The following HIP1 variants were observed in gnomAD, a reference collection of about 807,000 sequenced individuals.
The protein encoded by HIP1 is huntingtin-interacting protein 1.
Under a neutral mutation model 147.6 loss-of-function variants are expected in HIP1, and 65 were observed. That is an observed-to-expected ratio of 0.44 (90% confidence interval 0.36 to 0.54). The LOEUF (loss-of-function observed/expected upper bound fraction) is 0.54. Ranked by LOEUF, HIP1 falls within the 20% of genes least tolerant of loss-of-function variation. HIP1 has a pLI of 0.00. For synonymous variants in HIP1, 479 were observed against 504.0 expected, an observed-to-expected ratio of 0.95 and a Z score of 0.67; for missense variants, 1,061 against 1,299.6, an observed-to-expected ratio of 0.82 and a Z score of 2.82.
In HIP1 at chr7:75,554,098, T is replaced by A. The variant is rs782626354; in HGVS notation, c.2158+15A>T. On this transcript the variant is annotated intron_variant, in intron 21 of 30. Transcript: ENST00000336926. ...CCCCTGGTCCATGAACAGCCCCTCA[T>A]GCCCCGGTACTCACAGTCGGCAGGC... The A allele has an allele frequency of 2.5e-6, 4 of 1,603,288 alleles. No homozygotes were observed. Among genetic ancestry groups the A allele is most frequent in the Non-Finnish European group, 1.7e-6 (2 of 1,170,684 alleles).
At chr7:75,623,832 C>G (rs782015937) in intron 1 of HIP1, among the ~76,000 whole-genome samples, 1 of 152,122 alleles carries the variant, frequency 6.6e-6, no homozygotes, top group East Asian at 1.9e-4. Flanking sequence ...TTTGGGAGGC[C>G]GAGGCGGGAG....
intron 1 of HIP1, among the ~76,000 whole-genome samples, chr7:75,724,779 A>ATAGCAACACTCTGAGTCTGGC (rs1801602787): frequency 6.6e-6 from 1 of 152,210 alleles, no homozygotes; most frequent in Admixed American, 6.5e-5. Flanking sequence ...GGCATGTGGA[A>ATAGCAACACTCTGAGTCTGGC]TAGCAACACT....
chr7:75,560,374 A>C (rs1795186085), intron 13 of HIP1, among the ~76,000 whole-genome samples: 1 of 151,996 alleles, frequency 6.6e-6, no homozygotes. Flanking sequence ...TCAGCCTCCC[A>C]AGTAGCTGGC....
At chr7:75,551,939 G>T (rs963210888) in intron 22 of HIP1, among the ~76,000 whole-genome samples, 8 of 151,480 alleles carry the variant, frequency 5.3e-5, no homozygotes, top group Middle Eastern at 3.5e-3. Context: ...GCCCAGGTTG[G>T]AGTGCAAAGG....
intron 12 of HIP1, 93 bp from the exon 13 acceptor site, chr7:75,561,494 T>C: frequency 1.2e-6 from 1 of 834,056 alleles, no homozygotes; most frequent in Non-Finnish European, 2.1e-6. Context: ...AAAGCTGGTA[T>C]TAATTTGGGG....
chr7:75,612,901 C>T (rs1797497544), intron 1 of HIP1, among the ~76,000 whole-genome samples: 1 of 152,050 alleles, frequency 6.6e-6, no homozygotes. Context: ...GCCAGGAGTT[C>T]AAGACAAGCC....
At chr7:75,598,255 G>C (rs2117001974) in intron 2 of HIP1, among the ~76,000 whole-genome samples, 1 of 152,078 alleles carries the variant, frequency 6.6e-6, no homozygotes, top group East Asian at 1.9e-4. Context: ...AAATTAGCCG[G>C]GTGTGGTGGC....
rs150125282 is a variant in HIP1 at position 75,699,576 on chromosome 7, G to A, written c.120+39225C>T. ...TTCCAAGTTTTAAAGAACACGGCAC[G>A]GGCCAAACAAAATGGGCCCGCAAAA... is the stretch of plus-strand genomic sequence containing the variant. On this transcript the variant is annotated intron_variant, in intron 1 of 30. Coordinates refer to ENST00000336926, the MANE Select transcript of HIP1 (RefSeq NM_005338.7). Among the ~76,000 whole-genome samples the A allele has an allele frequency of 6.2e-3, 943 of 152,268 alleles. 15 individuals carry two copies. The highest frequency in any genetic ancestry group is 0.021 in the African/African-American group (876 of 41,562).
At chr7:75,725,574 T>C (rs560380013) in intron 1 of HIP1, among the ~76,000 whole-genome samples, 3 of 152,286 alleles carry the variant, frequency 2.0e-5, no homozygotes, top group Admixed American at 6.5e-5. Flanking sequence ...AGCAAGCAAA[T>C]TGAAGTATAC....
intron 1 of HIP1, among the ~76,000 whole-genome samples, chr7:75,713,224 C>T (rs1584971497): frequency 6.6e-6 from 1 of 152,198 alleles, no homozygotes; most frequent in Admixed American, 6.5e-5. Context: ...AAACAGCCAC[C>T]AGCCCTGGCT....
At chr7:75,567,964 G>A (rs587664761) in intron 9 of HIP1, among the ~76,000 whole-genome samples, 40 of 152,134 alleles carry the variant, frequency 2.6e-4, no homozygotes, top group African/African-American at 8.9e-4. Flanking sequence ...GCATACCACC[G>A]TGCCCAGCTA....
chr7:75,705,635 G>A lies in HIP1; in HGVS notation c.120+33166C>T, dbSNP rs149146080. ...CTCCCAAAGTGCTGGGATTATAGAC[G>A]TGAGCCACCACGCCTGGCCAGATCT... is the stretch of plus-strand genomic sequence containing the variant. On this transcript the variant is annotated intron_variant, in intron 1 of 30. Transcript: ENST00000336926. Among the ~76,000 whole-genome samples the A allele has an allele frequency of 3.2e-3, 491 of 152,150 alleles. 1 individual carries two copies. Among genetic ancestry groups the A allele is most frequent in the African/African-American group, 0.011 (468 of 41,528 alleles).
rs1244216357 is a variant in HIP1, at chr7:75,545,118, T to C, written c.2630A>G (p.Lys877Arg). ...RWTEGLISAS[K>R]AVGWGATVMV... ...GACAGTGGCTCCCCAGCCCACAGCCTTGGAGGCTGAGATAAGTCCTTCTGT... is the reference window on the plus strand; with the variant it reads ...GACAGTGGCTCCCCAGCCCACAGCCCTGGAGGCTGAGATAAGTCCTTCTGT... The change falls in exon 26 of 31, where the codon AAG becomes AGG. Residue 877 changes from lysine (K) to arginine (R), a missense_variant. Around this residue, in one of 3 missense-constraint regions of HIP1, gnomAD observed 810 missense variants for 946.8 expected, o/e 0.86. Coordinates refer to ENST00000336926, the MANE Select transcript of HIP1 (RefSeq NM_005338.7). The C allele has an allele frequency of 3.1e-6, 5 of 1,611,572 alleles. No homozygotes were observed. Among genetic ancestry groups the C allele is most frequent in the Non-Finnish European group, 4.2e-6 (5 of 1,178,890 alleles).
intron 6 of HIP1, 132 bp from the exon 7 acceptor site, chr7:75,581,430 G>T: frequency 1.5e-6 from 1 of 671,832 alleles, no homozygotes; most frequent in Non-Finnish European, 2.7e-6. Flanking sequence ...CACAACTCCA[G>T]CTCCAAGTCT....
chr7:75,573,748 C>T lies in HIP1; in HGVS notation c.745+13G>A. On this transcript the variant is annotated intron_variant, in intron 8 of 30. Coordinates refer to ENST00000336926, the MANE Select transcript of HIP1 (RefSeq NM_005338.7). ...TGAATCTCATGTAAGAAGATCTGGCCCGCGGTACTCACAGGAGTGGAGTTT... is the reference window on the plus strand; with the variant it reads ...TGAATCTCATGTAAGAAGATCTGGCTCGCGGTACTCACAGGAGTGGAGTTT... 1 of 1,611,716 alleles carries T rather than the reference C, an allele frequency of 6.2e-7. No individual in the cohort carries two copies. Among genetic ancestry groups the T allele is most frequent in the South Asian group, 1.1e-5 (1 of 90,962 alleles).
chr7:75,608,170 TG>T (rs1256005601), intron 1 of HIP1, among the ~76,000 whole-genome samples: 1 of 151,976 alleles, frequency 6.6e-6, no homozygotes, highest in Non-Finnish European at 1.5e-5. Context: ...TAGCCGGGCG[TG>T]GTGGTGGGCA....
chr7:75,555,555 A>C lies in HIP1; in HGVS notation c.1828-4T>G. 3 of 1,614,074 alleles carry C rather than the reference A, an allele frequency of 1.9e-6. No individual in the cohort carries two copies. The highest frequency in any genetic ancestry group is 2.5e-6 in the Non-Finnish European group (3 of 1,180,016). Reference sequence around the variant, plus strand: ...TGGCAAGCTGGCACATAGATTCCTAAAAATGGTCCAGGGAGGTGAGAGTCT... The same window carrying C: ...TGGCAAGCTGGCACATAGATTCCTACAAATGGTCCAGGGAGGTGAGAGTCT... On this transcript the variant is annotated splice_region_variant and splice_polypyrimidine_tract_variant and intron_variant, in intron 18 of 30. Transcript: ENST00000336926.
intron 1 of HIP1, among the ~76,000 whole-genome samples, chr7:75,697,065 C>T (rs1384139106): frequency 6.6e-6 from 1 of 152,020 alleles, no homozygotes; most frequent in Non-Finnish European, 1.5e-5. Context: ...TTTATCCAGG[C>T]ATGCAGCCTA....
At chr7:75,704,227 T>C (rs1800922568) in intron 1 of HIP1, among the ~76,000 whole-genome samples, 1 of 152,114 alleles carries the variant, frequency 6.6e-6, no homozygotes, top group Admixed American at 6.6e-5. Context: ...CAGCCTTTTA[T>C]TTTATTTTGT....
Sources: gnomAD v4.1 joint callset for allele counts (sites outside exome capture counted in the v4.1 genomes callset) on GRCh38, gnomAD v4.1.1 for gene constraint, gnomAD v4.1.1 regional missense constraint, MANE v1.5 for transcripts, NCBI Gene and HGNC (gene_info 2026-07-23, HGNC 2026-07-21) for gene names.